ZNRF1: variants seen among roughly 807,000 people sequenced by gnomAD.
ZNRF1 encodes E3 ubiquitin-protein ligase ZNRF1.
ZNRF1 carries 3 observed loss-of-function variants against 18.4 expected under a neutral mutation model. The observed-to-expected ratio is 0.16, with a 90% CI of 0.07 to 0.42. The LOEUF is 0.42. Among genes scored for constraint, ZNRF1 ranks in the 10% least tolerant of loss-of-function variants. The pLI is 0.99. For missense variants in ZNRF1, 310 were observed against 329.8 expected (o/e 0.94, Z 0.47); for synonymous variants, 157 against 144.2 (o/e 1.09, Z -0.64).
chr16:75,026,929 A>C (rs2035232314), intron 1 of ZNRF1, among the ~76,000 whole-genome samples: 1 of 151,198 alleles, frequency 6.6e-6, no homozygotes. Flanking sequence ...AAAGAAAAAG[A>C]ATATCACTAA....
At chr16:75,055,084 A>G (rs1455198853) in intron 1 of ZNRF1, among the ~76,000 whole-genome samples, 10 of 152,200 alleles carry the variant, frequency 6.6e-5, no homozygotes, top group African/African-American at 1.2e-4. Context: ...TCGTTTGTAA[A>G]GAGATGGCTT....
At chr16:75,008,476 A>G (rs2034952272) in intron 1 of ZNRF1, among the ~76,000 whole-genome samples, 1 of 152,146 alleles carries the variant, frequency 6.6e-6, no homozygotes, top group Non-Finnish European at 1.5e-5. Flanking sequence ...TCTTTCCTAC[A>G]TCTTCAGCCA....
At chr16:75,106,627 G>T in intron 4 of ZNRF1, 56 bp downstream of exon 4, 1 of 1,496,460 alleles carries the variant, frequency 6.7e-7, no homozygotes, top group Non-Finnish European at 9.3e-7. Flanking sequence ...GGTCACTTTG[G>T]GGGCCTGCAG....
intron 1 of ZNRF1, among the ~76,000 whole-genome samples, chr16:75,050,635 A>G (rs1024421368): frequency 4.3e-4 from 65 of 151,170 alleles, no homozygotes; most frequent in African/African-American, 1.5e-3. Context: ...TTGGGAGGCC[A>G]AGGCGGGCGG....
intron 1 of ZNRF1, among the ~76,000 whole-genome samples, chr16:75,032,503 C>T (rs2035319276): frequency 6.6e-6 from 1 of 152,074 alleles, no homozygotes; most frequent in Admixed American, 6.6e-5. Flanking sequence ...CATTGCACTC[C>T]AGCCTGGGCA....
At chr16:75,094,780 T>C (rs2036178717) in intron 2 of ZNRF1, among the ~76,000 whole-genome samples, 1 of 152,220 alleles carries the variant, frequency 6.6e-6, no homozygotes, top group South Asian at 2.1e-4. Context: ...TAGTGTTTAG[T>C]CTGGTCTCCA....
intron 1 of ZNRF1, among the ~76,000 whole-genome samples, chr16:75,022,084 T>C (rs1413997559): frequency 1.3e-5 from 2 of 152,148 alleles, no homozygotes; most frequent in Non-Finnish European, 2.9e-5. Context: ...TCCATCCGTC[T>C]CGCTCTGTTG....
intron 1 of ZNRF1, among the ~76,000 whole-genome samples, chr16:75,019,333 C>T (rs1156644744): frequency 2.0e-5 from 3 of 151,852 alleles, no homozygotes; most frequent in African/African-American, 7.3e-5. Flanking sequence ...AGTCACCATG[C>T]CTGGACAAAA....
intron 2 of ZNRF1, among the ~76,000 whole-genome samples, chr16:75,096,811 T>A (rs2036205475): frequency 6.6e-6 from 1 of 151,912 alleles, no homozygotes; most frequent in African/African-American, 2.4e-5. Context: ...TTGGCCTGAG[T>A]GGTGGGTTGG....
At chr16:75,040,601 T>A (rs1181319961) in intron 1 of ZNRF1, among the ~76,000 whole-genome samples, 1 of 126,470 alleles carries the variant, frequency 7.9e-6, no homozygotes, top group African/African-American at 2.9e-5. Flanking sequence ...TTTGTGGGTT[T>A]TTTTTTTTTT....
At chr16:75,062,727 C>CT (rs2035758499) in intron 1 of ZNRF1, among the ~76,000 whole-genome samples, 1 of 152,178 alleles carries the variant, frequency 6.6e-6, no homozygotes, top group South Asian at 2.1e-4. Flanking sequence ...CTGGTGCTTG[C>CT]TAGGAGAGGC....
At chr16:75,014,839 G>T (rs1197353547) in intron 1 of ZNRF1, among the ~76,000 whole-genome samples, 2 of 151,798 alleles carry the variant, frequency 1.3e-5, no homozygotes, top group South Asian at 2.1e-4. Flanking sequence ...GCTCTAGTGG[G>T]TATAAATAGT....
At chr16:75,083,398 G>A (rs902527975) in intron 1 of ZNRF1, among the ~76,000 whole-genome samples, 3 of 152,190 alleles carry the variant, frequency 2.0e-5, no homozygotes, top group African/African-American at 7.2e-5. Context: ...TTCCTCTGAT[G>A]CCTAGTCTGA....
Position 75,008,373 on chromosome 16 carries a change from A to G in ZNRF1, c.424+8278A>G, listed in dbSNP as rs373936662. 4.6e-5 allele frequency among the ~76,000 whole-genome samples: 7 copies of G among 152,286 alleles called. No homozygotes were observed. In the South Asian group the frequency reaches 1.0e-3, roughly 23 times the overall value. On this transcript the variant is annotated intron_variant, in intron 1 of 4. Transcript: ENST00000335325. ...TTGAAGTTGCTCTGAACAGAAGGTA[A>G]TGGTGTCAGTGTCGCCTTTCCTTCT...
At chr16:75,097,645 C>G (rs2036214710) in intron 2 of ZNRF1, among the ~76,000 whole-genome samples, 1 of 152,030 alleles carries the variant, frequency 6.6e-6, no homozygotes, top group African/African-American at 2.4e-5. Flanking sequence ...CATAGTGAGA[C>G]CCCATTTACT....
chr16:75,070,685 G>C (rs1054538078), intron 1 of ZNRF1, among the ~76,000 whole-genome samples: 3 of 151,930 alleles, frequency 2.0e-5, no homozygotes, highest in South Asian at 2.1e-4. Context: ...CCCCTTCCCA[G>C]TTGCAGCTCC....
At chr16:75,038,504 G>A (rs529760978) in intron 1 of ZNRF1, among the ~76,000 whole-genome samples, 20 of 152,284 alleles carry the variant, frequency 1.3e-4, no homozygotes, top group African/African-American at 4.6e-4. Flanking sequence ...ACCTTCCGTT[G>A]GTCAAAACAA....
intron 1 of ZNRF1, among the ~76,000 whole-genome samples, chr16:75,087,787 C>T (rs533636171): frequency 6.6e-6 from 1 of 152,368 alleles, no homozygotes; most frequent in Non-Finnish European, 1.5e-5. Context: ...GAACCAGTAT[C>T]AGGCTTGGCC....
intron 1 of ZNRF1, among the ~76,000 whole-genome samples, chr16:75,021,823 A>G (rs762379070): frequency 1.7e-4 from 26 of 152,168 alleles, no homozygotes; most frequent in Non-Finnish European, 3.2e-4. Context: ...TCTGTTTGCT[A>G]TTTGTCCTTG....
Sources: allele counts gnomAD v4.1 joint callset (sites outside exome capture counted in the v4.1 genomes callset), GRCh38; gene constraint gnomAD v4.1.1; transcripts MANE v1.5; gene names NCBI Gene and HGNC (gene_info 2026-07-23, HGNC 2026-07-21).